Variants in SCN7A observed in about 807,000 individuals in gnomAD.
SCN7A encodes the protein sodium channel protein type 7 subunit alpha.
A neutral mutation model predicts 155.2 loss-of-function variants in SCN7A; 138 were observed. The ratio of observed to expected loss-of-function variants is 0.89; its 90% CI spans 0.77 to 1.02. The LOEUF (loss-of-function observed/expected upper bound fraction) is 1.02, where lower values mean the gene tolerates loss of function less well. Ranked by LOEUF, SCN7A falls within the 50% of genes least tolerant of loss-of-function variation. The pLI is 0.00. For missense variants in SCN7A, 2,058 were observed against 1,986.6 expected (o/e 1.04, Z -0.68); for synonymous variants, 693 against 649.0 (o/e 1.07, Z -1.03).
chr2:166,419,205 A>T (rs1701455452), intron 20 of SCN7A, among the ~76,000 whole-genome samples: 1 of 152,070 alleles, frequency 6.6e-6, no homozygotes, highest in African/African-American at 2.4e-5. Flanking sequence ...TTTTGAAAAT[A>T]AAAAAGAGTT....
intron 21 of SCN7A, among the ~76,000 whole-genome samples, chr2:166,415,874 A>G (rs1024867597): frequency 2.0e-5 from 3 of 152,184 alleles, no homozygotes; most frequent in South Asian, 2.1e-4. Flanking sequence ...GAAGACAACC[A>G]TAAGTTCTGA....
intron 7 of SCN7A, among the ~76,000 whole-genome samples, chr2:166,467,390 T>C (rs1367257272): frequency 6.6e-6 from 1 of 151,608 alleles, no homozygotes; most frequent in Non-Finnish European, 1.5e-5. Flanking sequence ...ACTGAATTTT[T>C]TTCATATTGT....
chr2:166,483,971 T>C (rs1702989244), intron 2 of SCN7A, among the ~76,000 whole-genome samples: 1 of 152,000 alleles, frequency 6.6e-6, no homozygotes, highest in Non-Finnish European at 1.5e-5. Flanking sequence ...GGAACTACTA[T>C]TATTTTTTGT....
chr2:166,426,040 G>A (rs1701616233), intron 18 of SCN7A, among the ~76,000 whole-genome samples: 2 of 152,032 alleles, frequency 1.3e-5, no homozygotes, highest in Non-Finnish European at 2.9e-5. Flanking sequence ...CAGACCTGAT[G>A]AACAAGAAAT....
intron 11 of SCN7A, among the ~76,000 whole-genome samples, chr2:166,451,375 T>C (rs1366395360): frequency 6.6e-6 from 1 of 152,136 alleles, no homozygotes; most frequent in Non-Finnish European, 1.5e-5. Flanking sequence ...ACAGTGAAAA[T>C]TGAGAGGATT....
chr2:166,406,646 C>T lies in SCN7A; in HGVS notation c.3983G>A (p.Gly1328Glu), dbSNP rs1213362107. Residue 1328 changes from glycine (G) to glutamate (E), a missense_variant and splice_region_variant, in exon 26 of 26, where the codon GGA (glycine) becomes GAA (glutamate). Coordinates refer to ENST00000643258, the MANE Select transcript of SCN7A (RefSeq NM_002976.4). Reference protein sequence around the residue: ...DFMVVIFSITGLCLPMTVGSY... With the variant: ...DFMVVIFSITELCLPMTVGSY... ...TCCTACTGTCATAGGCAGACATAGT[C>T]CTGGGGGTGGGAAAGATAAAGCAGG... is the stretch of plus-strand genomic sequence containing the variant. 1.3e-6 allele frequency: 2 copies of T among 1,583,658 alleles called. No homozygotes were observed. Among genetic ancestry groups the T allele is most frequent in the African/African-American group, 1.4e-5 (1 of 73,568 alleles).
At position 166,409,924 on chromosome 2, in the gene SCN7A, T is replaced by C; in HGVS notation, c.3723A>G (p.Gln1241=). 1.9e-6 allele frequency: 3 copies of C among 1,563,722 alleles called. No individual in the cohort carries two copies. The South Asian group carries it at 3.6e-5, about 19-fold the overall frequency. The change falls in exon 25 of 26, where the codon CAA becomes CAG. Residue 1241 remains glutamine, a synonymous_variant. Coordinates refer to ENST00000643258, the MANE Select transcript of SCN7A (RefSeq NM_002976.4). The part of the protein sequence containing the change: ...RPVPRPLNKL[Q]GFIFDVVTSQ... The stretch of plus-strand genomic sequence containing the variant: ...TTGTTACCACATCAAAGATGAATCC[T>C]TGGAGCTTGTTCTGTGGGTAAAATC...
At chr2:166,491,725 G>A (rs1683110826) in intron 1 of SCN7A, among the ~76,000 whole-genome samples, 3 of 147,250 alleles carry the variant, frequency 2.0e-5, no homozygotes, top group Non-Finnish European at 4.5e-5. Context: ...ATGGGTGACT[G>A]TGCATTGCTG....
intron 11 of SCN7A, among the ~76,000 whole-genome samples, chr2:166,451,310 T>A (rs925583748): frequency 1.3e-5 from 2 of 152,206 alleles, no homozygotes; most frequent in African/African-American, 4.8e-5. Flanking sequence ...GAGCTTCTTA[T>A]AAATACTGAA....
chr2:166,448,387 G>A (rs1399642526), intron 11 of SCN7A, among the ~76,000 whole-genome samples: 2 of 151,922 alleles, frequency 1.3e-5, no homozygotes, highest in Admixed American at 6.6e-5. Context: ...TCATGTCTTG[G>A]CTATTGTGAA....
chr2:166,475,964 C>T (rs1462925666), intron 3 of SCN7A, among the ~76,000 whole-genome samples: 6 of 151,850 alleles, frequency 4.0e-5, no homozygotes, highest in Non-Finnish European at 5.9e-5. Context: ...AGCACTTTGC[C>T]AGCCATGTCT....
At chr2:166,450,128 AAAG>A (rs1380540207) in intron 11 of SCN7A, among the ~76,000 whole-genome samples, 1 of 152,218 alleles carries the variant, frequency 6.6e-6, no homozygotes, top group Non-Finnish European at 1.5e-5. Context: ...ATACCACTCT[AAAG>A]AAGAACAAAA....
intron 21 of SCN7A, chr2:166,414,403 C>T (rs1406018239): frequency 3.0e-5 from 4 of 133,804 alleles, no homozygotes; most frequent in African/African-American, 1.1e-4. Context: ...TTTACCACCA[C>T]TGATCAAGTT....
rs756818714 is a variant in SCN7A, at chr2:166,432,571, T to G, written c.2339A>C (p.His780Pro). 3 of 1,613,416 alleles carry G rather than the reference T, an allele frequency of 1.9e-6. No individual in the cohort carries two copies. In the South Asian group the frequency reaches 3.3e-5, roughly 18 times the overall value. The change falls in exon 16 of 26, where the codon CAT becomes CCT. Residue 780 changes from histidine (H) to proline (P), a missense_variant. His to Pro is a moderately conservative substitution (Grantham distance 77). Transcript: ENST00000643258. ...TQNVPKDTMDHVNEVYVKEDI... is the reference protein window; with the variant it reads ...TQNVPKDTMDPVNEVYVKEDI... ...TTCTTTAACATATACCTCATTTACATGGTCCATTGTGTCCTTTGGGACATT... is the reference window on the plus strand; with the variant it reads ...TTCTTTAACATATACCTCATTTACAGGGTCCATTGTGTCCTTTGGGACATT...
At chr2:166,452,463 T>C (rs1702194275) in intron 11 of SCN7A, among the ~76,000 whole-genome samples, 6 of 152,180 alleles carry the variant, frequency 3.9e-5, no homozygotes, top group Admixed American at 3.9e-4. Context: ...ATCTATCCAT[T>C]AGACAATTAG....
At chr2:166,468,044 A>G (rs1189173863) in intron 7 of SCN7A, among the ~76,000 whole-genome samples, 1 of 152,020 alleles carries the variant, frequency 6.6e-6, no homozygotes, top group Non-Finnish European at 1.5e-5. Context: ...TTTTGAAATA[A>G]CATGCATATC....
At chr2:166,414,002 T>TATATATATATATATATATATATATATAA (rs1443391022) in intron 21 of SCN7A, among the ~76,000 whole-genome samples, 5 of 90,316 alleles carry the variant, frequency 5.5e-5, no homozygotes, top group African/African-American at 1.4e-4. Context: ...TATATATATA[T>TATATATATATATATATATATATATATAA]AAATATACTA....
At chr2:166,455,210 T>C (rs938810875) in intron 11 of SCN7A, among the ~76,000 whole-genome samples, 6 of 152,178 alleles carry the variant, frequency 3.9e-5, no homozygotes, top group African/African-American at 1.4e-4. Context: ...ACCAGACATT[T>C]TTCAAAGTTG....
chr2:166,429,283 T>A lies in SCN7A; in HGVS notation c.2593-9A>T, dbSNP rs909526388. On this transcript the variant is annotated splice_polypyrimidine_tract_variant and intron_variant, in intron 16 of 25. Coordinates refer to ENST00000643258, the MANE Select transcript of SCN7A (RefSeq NM_002976.4). Reference sequence around the variant, plus strand: ...CTAGATTGCTTTATTTTCTAAAAGGTGAAGTCCCACCAAAAAAGTTGTGAT... The same window carrying A: ...CTAGATTGCTTTATTTTCTAAAAGGAGAAGTCCCACCAAAAAAGTTGTGAT... 19 of 1,477,270 alleles carry A rather than the reference T, an allele frequency of 1.3e-5. No homozygotes were observed. In the African/African-American group the frequency reaches 1.7e-4, roughly 13 times the overall value. The allele number at this position is 1,477,270 out of a possible 1,614,324, so 91.5% of individuals were successfully genotyped here.
Sources: gnomAD v4.1 joint callset for allele counts (sites outside exome capture counted in the v4.1 genomes callset) on GRCh38, gnomAD v4.1.1 for gene constraint, MANE v1.5 for transcripts, NCBI Gene and HGNC (gene_info 2026-07-23, HGNC 2026-07-21) for gene names.